Variants in HEMK2 observed in about 807,000 individuals in gnomAD.
HEMK2 encodes the protein methyltransferase HEMK2.
At chr21:28,634,579 T>C in the HEMK2 span, among the ~76,000 whole-genome samples, 1 of 152,148 alleles carries the variant, frequency 6.6e-6, no homozygotes, top group African/African-American at 2.4e-5. Flanking sequence ...CAACTACCTG[T>C]GTATTCTTGT....
the HEMK2 span, among the ~76,000 whole-genome samples, chr21:28,849,593 G>C: frequency 6.6e-6 from 1 of 152,208 alleles, no homozygotes. Context: ...CCAAGAGACA[G>C]TCAAAACCCA....
At chr21:28,588,204 G>C in the HEMK2 span, among the ~76,000 whole-genome samples, 1 of 152,048 alleles carries the variant, frequency 6.6e-6, no homozygotes, top group Non-Finnish European at 1.5e-5. Context: ...GTAATATTTA[G>C]GCAAAGTGAA....
the HEMK2 span, chr21:28,873,733 T>C: frequency 6.6e-6 from 1 of 152,236 alleles, no homozygotes; most frequent in Non-Finnish European, 1.5e-5. Flanking sequence ...GCCAGCACTG[T>C]AACTCATTTG....
chr21:28,865,489 G>A, the HEMK2 span, among the ~76,000 whole-genome samples: 2 of 152,174 alleles, frequency 1.3e-5, no homozygotes, highest in Non-Finnish European at 2.9e-5. Flanking sequence ...TTGAAAGCAC[G>A]TTTGATTTTG....
the HEMK2 span, among the ~76,000 whole-genome samples, chr21:28,683,011 C>G: frequency 1.3e-5 from 2 of 151,024 alleles, no homozygotes; most frequent in Admixed American, 6.6e-5. Flanking sequence ...CAAACCTGCA[C>G]GTTGTGCACG....
At chr21:28,647,762 GACA>G in the HEMK2 span, among the ~76,000 whole-genome samples, 1 of 152,142 alleles carries the variant, frequency 6.6e-6, no homozygotes, top group Non-Finnish European at 1.5e-5. Flanking sequence ...ACCCCATTCT[GACA>G]GCAAAGACCA....
chr21:28,862,507 C>T, the HEMK2 span, among the ~76,000 whole-genome samples: 4 of 145,318 alleles, frequency 2.8e-5, no homozygotes, highest in Non-Finnish European at 6.0e-5. Flanking sequence ...GGCGCGGTGG[C>T]GGGCGCCTGT....
the HEMK2 span, among the ~76,000 whole-genome samples, chr21:28,750,721 G>T: frequency 8.2e-6 from 1 of 122,374 alleles, no homozygotes; most frequent in Non-Finnish European, 1.7e-5. Context: ...AAAAAAAAAA[G>T]GCAAACAAAG....
chr21:28,884,677 C>T, the HEMK2 span, among the ~76,000 whole-genome samples: 1 of 152,140 alleles, frequency 6.6e-6, no homozygotes, highest in African/African-American at 2.4e-5. Context: ...ACATTTCAAG[C>T]GCTCTGTAGC....
chr21:28,649,353 A>G, the HEMK2 span, among the ~76,000 whole-genome samples: 2 of 152,364 alleles, frequency 1.3e-5, no homozygotes, highest in Non-Finnish European at 2.9e-5. Context: ...CGATTAAGAA[A>G]TAAGTATAGG....
chr21:28,608,094 T>C, the HEMK2 span, among the ~76,000 whole-genome samples: 7 of 152,156 alleles, frequency 4.6e-5, no homozygotes, highest in African/African-American at 9.7e-5. Flanking sequence ...AGTTCAGTTG[T>C]AGTCACACTG....
the HEMK2 span, among the ~76,000 whole-genome samples, chr21:28,603,735 G>A: frequency 6.6e-6 from 1 of 152,170 alleles, no homozygotes; most frequent in Non-Finnish European, 1.5e-5. Flanking sequence ...AGCTCATCCT[G>A]CTACAACATC....
At chr21:28,753,306 G>C in the HEMK2 span, among the ~76,000 whole-genome samples, 154 of 149,604 alleles carry the variant, frequency 1.0e-3, no homozygotes, top group Admixed American at 1.8e-3. Context: ...GCAGTGAACT[G>C]AGATTGCACC....
chr21:28,651,644 T>C, the HEMK2 span, among the ~76,000 whole-genome samples: 3 of 152,200 alleles, frequency 2.0e-5, no homozygotes, highest in Non-Finnish European at 2.9e-5. Flanking sequence ...ATATCTTGCA[T>C]AGAGCATTAT....
At chr21:28,716,821 G>A in the HEMK2 span, among the ~76,000 whole-genome samples, 1 of 152,252 alleles carries the variant, frequency 6.6e-6, no homozygotes, top group Admixed American at 6.5e-5. Flanking sequence ...ATGAAGGGAT[G>A]CTGGATTTTA....
the HEMK2 span, among the ~76,000 whole-genome samples, chr21:28,658,076 T>C: frequency 6.6e-6 from 1 of 152,094 alleles, no homozygotes; most frequent in African/African-American, 2.4e-5. Context: ...CTTGAAATTA[T>C]GTTTATGACT....
chr21:28,640,336 A>AG, the HEMK2 span, among the ~76,000 whole-genome samples: 2 of 152,198 alleles, frequency 1.3e-5, no homozygotes, highest in Admixed American at 6.5e-5. Context: ...GCTCAGGAAG[A>AG]GGGGTCACCA....
the HEMK2 span, among the ~76,000 whole-genome samples, chr21:28,649,564 T>C: frequency 1.3e-5 from 2 of 152,022 alleles, no homozygotes; most frequent in African/African-American, 4.8e-5. Context: ...ACATGAACAG[T>C]AGAATTTCTG....
chr21:28,768,945 G>A, the HEMK2 span, among the ~76,000 whole-genome samples: 1 of 151,990 alleles, frequency 6.6e-6, no homozygotes, highest in Non-Finnish European at 1.5e-5. Flanking sequence ...GCAAGAATAT[G>A]GCCATCTGCA....
Sources: gnomAD v4.1 joint callset for allele counts (sites outside exome capture counted in the v4.1 genomes callset) on GRCh38, gnomAD v4.1.1 for gene constraint, MANE v1.5 for transcripts, NCBI Gene and HGNC (gene_info 2026-07-23, HGNC 2026-07-21) for gene names.